Variants in PTPRM observed in about 807,000 individuals in gnomAD.
PTPRM encodes receptor-type tyrosine-protein phosphatase mu.
In PTPRM, 47 loss-of-function variants were observed where a neutral mutation model predicts 186.7. The ratio of observed to expected loss-of-function variants is 0.25; its 90% CI spans 0.20 to 0.32. PTPRM has a LOEUF of 0.32. PTPRM is among the 10% of genes least tolerant of loss of function. The pLI is 1.00. For synonymous variants in PTPRM, 668 were observed against 674.9 expected, an observed-to-expected ratio of 0.99 and a Z score of 0.16; for missense variants, 1,494 against 1,865.0, an observed-to-expected ratio of 0.80 and a Z score of 3.66.
At chr18:8,212,562 T>G (rs2094021031) in intron 14 of PTPRM, among the ~76,000 whole-genome samples, 2 of 152,118 alleles carry the variant, frequency 1.3e-5, no homozygotes, top group Admixed American at 1.3e-4. Context: ...CAGTGCTTTG[T>G]GGGGGGCCAA....
intron 22 of PTPRM, among the ~76,000 whole-genome samples, chr18:8,333,892 C>T (rs1414868271): frequency 2.6e-5 from 4 of 152,218 alleles, no homozygotes; most frequent in Admixed American, 6.5e-5. Context: ...CCCAGAACCA[C>T]GCTAGAAACA....
intron 26 of PTPRM, 143 bp downstream of exon 26, chr18:8,376,740 T>TCCCG: frequency 1.0e-6 from 1 of 970,452 alleles, no homozygotes; most frequent in Non-Finnish European, 1.4e-6. Context: ...CTTCCCTCCC[T>TCCCG]CCCTCCCTTC....
intron 14 of PTPRM, among the ~76,000 whole-genome samples, chr18:8,181,547 G>A (rs944063721): frequency 6.6e-6 from 1 of 152,194 alleles, no homozygotes; most frequent in Non-Finnish European, 1.5e-5. Flanking sequence ...AGACTCCACG[G>A]ACCAAACAAA....
chr18:7,776,319 A>G (rs2042576912), intron 2 of PTPRM, among the ~76,000 whole-genome samples: 1 of 152,126 alleles, frequency 6.6e-6, no homozygotes, highest in Non-Finnish European at 1.5e-5. Flanking sequence ...ATTGCAACTC[A>G]TTGTTTGGAC....
At chr18:8,289,546 A>ATACACATATATATACACATATATG (rs2095009356) in intron 19 of PTPRM, among the ~76,000 whole-genome samples, 1 of 104,156 alleles carries the variant, frequency 9.6e-6, no homozygotes, top group African/African-American at 4.4e-5. Context: ...ACATATATAT[A>ATACACATATATATACACATATATG]TATACATATA....
At chr18:7,767,910 A>G (rs996097833) in intron 1 of PTPRM, among the ~76,000 whole-genome samples, 28 of 152,078 alleles carry the variant, frequency 1.8e-4, no homozygotes, top group Admixed American at 1.4e-3. Context: ...GAAGGTTAAG[A>G]TTGTTTTTGT....
intron 32 of PTPRM, among the ~76,000 whole-genome samples, chr18:8,400,853 T>C (rs2095868767): frequency 6.6e-6 from 1 of 152,022 alleles, no homozygotes; most frequent in Admixed American, 6.5e-5. Context: ...CTGTGAAATT[T>C]GCAGCCTATT....
chr18:7,779,374 A>G (rs2145050582), intron 2 of PTPRM, among the ~76,000 whole-genome samples: 1 of 152,306 alleles, frequency 6.6e-6, no homozygotes, highest in Admixed American at 6.5e-5. Context: ...ATTTTCATGG[A>G]AATGTGACTA....
At position 7,658,967 on chromosome 18, in the gene PTPRM, C is replaced by G. The variant is rs112778801; in HGVS notation, c.73+91076C>G. Among the ~76,000 whole-genome samples the G allele has an allele frequency of 2.3e-3, 352 of 152,244 alleles. 2 individuals are homozygous for G. The highest frequency in any genetic ancestry group is 6.0e-3 in the African/African-American group (249 of 41,538). On this transcript the variant is annotated intron_variant, in intron 1 of 32. Transcript: ENST00000580170. ...TTGCTTCTGCCTCAGGGCCTTTGCC[C>G]TTTCTGTGCATCTGCCTGAAGCTCT...
chr18:8,071,451 G>A (rs1039968102), intron 8 of PTPRM, among the ~76,000 whole-genome samples: 18 of 151,860 alleles, frequency 1.2e-4, no homozygotes, highest in African/African-American at 2.9e-4. Context: ...CTATTCTAAT[G>A]TCCCCCTACT....
intron 7 of PTPRM, among the ~76,000 whole-genome samples, chr18:7,984,602 T>TATATATATATATATAC (rs1214502563): frequency 2.2e-4 from 19 of 87,168 alleles, no homozygotes; most frequent in East Asian, 5.4e-4. Context: ...TATATATATA[T>TATATATATATATATAC]ACACACACAC....
At chr18:7,837,215 T>C (rs2046094335) in intron 2 of PTPRM, among the ~76,000 whole-genome samples, 1 of 152,148 alleles carries the variant, frequency 6.6e-6, no homozygotes, top group South Asian at 2.1e-4. Context: ...TTTTCTTTTG[T>C]TTCCTCTGAC....
Position 8,406,718 on chromosome 18 carries a change from A to C in PTPRM, c.*556A>C, listed in dbSNP as rs996896366. 4 of 152,546 alleles carry C rather than the reference A, an allele frequency of 2.6e-5. No individual in the cohort carries two copies. The highest frequency in any genetic ancestry group is 4.4e-5 in the Non-Finnish European group (3 of 68,176). 9.4% of individuals were successfully genotyped at this position (152,546 alleles called of 1,614,324 possible). On this transcript the variant is annotated 3_prime_UTR_variant, in exon 33 of 33. Transcript: ENST00000580170. Reference sequence around the variant, plus strand: ...CAGATTTGTATTGTTTCCAAGGGAAAAGCTTGGGGGAGGACTCAGTTCACA... The same window carrying C: ...CAGATTTGTATTGTTTCCAAGGGAACAGCTTGGGGGAGGACTCAGTTCACA...
chr18:8,178,290 A>C (rs1414479606), intron 14 of PTPRM, among the ~76,000 whole-genome samples: 1 of 152,232 alleles, frequency 6.6e-6, no homozygotes, highest in Admixed American at 6.5e-5. Flanking sequence ...AAAAGAACTG[A>C]TGAGACTAGA....
chr18:7,787,051 G>T (rs1390198348), intron 2 of PTPRM, among the ~76,000 whole-genome samples: 1 of 152,160 alleles, frequency 6.6e-6, no homozygotes, highest in Non-Finnish European at 1.5e-5. Context: ...CAAATAATTG[G>T]TTTTATACAT....
chr18:8,049,168 A>G (rs1042922522), intron 7 of PTPRM, among the ~76,000 whole-genome samples: 28 of 152,356 alleles, frequency 1.8e-4, no homozygotes, highest in African/African-American at 6.5e-4. Context: ...AAGTTCATCT[A>G]TAGGATGAAT....
At chr18:8,069,616 C>T in intron 7 of PTPRM, 70 bp from the exon 8 acceptor site, 2 of 1,350,770 alleles carry the variant, frequency 1.5e-6, no homozygotes, top group Non-Finnish European at 2.0e-6. Flanking sequence ...ATATCTGTGA[C>T]CTTTGGGATT....
rs1178209976 is a variant in PTPRM, at chr18:8,326,424, G to GA, written c.2956+7216dup. On this transcript the variant is annotated intron_variant, in intron 22 of 32. Coordinates refer to ENST00000580170, the MANE Select transcript of PTPRM (RefSeq NM_001105244.2). Reference sequence around the variant, plus strand: ...ACCAATGACATTCTTCACAGAATTAGAAAAAACTATTTTAAAATTCATACA... The same window carrying GA: ...ACCAATGACATTCTTCACAGAATTAGAAAAAAACTATTTTAAAATTCATACA... Among the ~76,000 whole-genome samples, 7 of 152,276 alleles carry GA rather than the reference G, an allele frequency of 4.6e-5. No individual in the cohort carries two copies. The East Asian group carries it at 1.2e-3, about 25-fold the overall frequency.
chr18:8,027,120 C>T (rs2085620612), intron 7 of PTPRM, among the ~76,000 whole-genome samples: 1 of 152,044 alleles, frequency 6.6e-6, no homozygotes, highest in African/African-American at 2.4e-5. Flanking sequence ...GAGCATTTCC[C>T]CAAGTTTGAA....
Sources: gnomAD v4.1 joint callset for allele counts (sites outside exome capture counted in the v4.1 genomes callset) on GRCh38, gnomAD v4.1.1 for gene constraint, MANE v1.5 for transcripts, NCBI Gene and HGNC (gene_info 2026-07-23, HGNC 2026-07-21) for gene names.